DENND5A: variants seen among roughly 807,000 people sequenced by gnomAD.
The protein encoded by DENND5A is DENN domain-containing protein 5A.
A neutral mutation model predicts 140.3 loss-of-function variants in DENND5A; 64 were observed. The ratio of observed to expected loss-of-function variants is 0.46; its 90% CI spans 0.37 to 0.56. The LOEUF (loss-of-function observed/expected upper bound fraction) is 0.56, where lower values mean the gene tolerates loss of function less well. DENND5A is among the 20% of genes least tolerant of loss of function. The pLI is 0.00. For missense variants in DENND5A, 1,292 were observed against 1,593.8 expected (o/e 0.81, Z 3.22); for synonymous variants, 605 against 607.7 (o/e 1.00, Z 0.07).
chr11:9,180,682 G>A (rs1296218111), intron 6 of DENND5A, 85 bp downstream of exon 6: 2 of 1,327,310 alleles, frequency 1.5e-6, no homozygotes, highest in African/African-American at 2.9e-5. Flanking sequence ...CCAGAACTGG[G>A]TGCTTTCTCA....
chr11:9,195,138 A>G (rs1849279288), intron 4 of DENND5A, among the ~76,000 whole-genome samples: 1 of 146,310 alleles, frequency 6.8e-6, no homozygotes, highest in African/African-American at 2.5e-5. Context: ...GCTGCAGTGC[A>G]ATGGCACAAT....
intron 12 of DENND5A, among the ~76,000 whole-genome samples, chr11:9,160,391 G>A (rs778637801): frequency 3.9e-5 from 6 of 152,164 alleles, no homozygotes; most frequent in Non-Finnish European, 8.8e-5. Flanking sequence ...GGTACTTCCT[G>A]AGCTCCAACT....
chr11:9,223,275 C>A (rs1386458453), intron 1 of DENND5A, among the ~76,000 whole-genome samples: 1 of 152,110 alleles, frequency 6.6e-6, no homozygotes, highest in Admixed American at 6.6e-5. Flanking sequence ...CGCCTGTAAT[C>A]CCAGCACTTT....
chr11:9,185,048 G>A (rs569273053), intron 5 of DENND5A, among the ~76,000 whole-genome samples: 3 of 152,078 alleles, frequency 2.0e-5, no homozygotes, highest in South Asian at 2.1e-4. Flanking sequence ...AAAATTAGCC[G>A]GGCATTGTGG....
At chr11:9,244,272 A>G (rs931758001) in intron 1 of DENND5A, among the ~76,000 whole-genome samples, 13 of 152,352 alleles carry the variant, frequency 8.5e-5, no homozygotes, top group Non-Finnish European at 1.3e-4. Context: ...CCAATGTGAT[A>G]GTATGAAGAG....
intron 1 of DENND5A, among the ~76,000 whole-genome samples, chr11:9,248,126 G>A (rs1015378789): frequency 6.6e-6 from 1 of 152,074 alleles, no homozygotes; most frequent in African/African-American, 2.4e-5. Context: ...GGTTCTACAG[G>A]TGGGTGACAC....
chr11:9,178,114 T>C lies in DENND5A; in HGVS notation c.1906+18A>G. 1 of 1,544,812 alleles carries C rather than the reference T, an allele frequency of 6.5e-7. No individual in the cohort carries two copies. Among genetic ancestry groups the C allele is most frequent in the Non-Finnish European group, 9.0e-7 (1 of 1,116,840 alleles). ...ATAATCCAAGAGGCCTGAATGTACATTTCCAAGGAGGCCTTACCTGCTTCA... is the reference window on the plus strand; with the variant it reads ...ATAATCCAAGAGGCCTGAATGTACACTTCCAAGGAGGCCTTACCTGCTTCA... On this transcript the variant is annotated intron_variant, in intron 8 of 22. Transcript: ENST00000328194.
At position 9,139,697 on chromosome 11, in the gene DENND5A, A is replaced by G; in HGVS notation, c.3838T>C (p.Ser1280Pro). 2 of 1,613,760 alleles carry G rather than the reference A, an allele frequency of 1.2e-6. No homozygotes were observed. The highest frequency in any genetic ancestry group is 1.7e-6 in the Non-Finnish European group (2 of 1,179,928). ...CAGATGTCGATGCCCTTGACAAGGG[A>G]CGTCTCCAGCGTGATGTTGAACTCC... Reference protein sequence around the residue: ...LQEFNITLETSLVKGIDI With the variant: ...LQEFNITLETPLVKGIDI The change falls in exon 23 of 23, where the codon TCC becomes CCC. Residue 1280 changes from serine (S) to proline (P), a missense_variant. Ser to Pro is a moderately conservative substitution (Grantham distance 74). Transcript: ENST00000328194.
rs561746462 is a variant in DENND5A, at chr11:9,170,315, C to T, written c.2057+312G>A. On this transcript the variant is annotated intron_variant, in intron 9 of 22. Transcript: ENST00000328194. ...TTCAGGTTCTGATTATTTCAACTGCCATTTATTAAATACAATGCTAGCTTG... is the reference window on the plus strand; with the variant it reads ...TTCAGGTTCTGATTATTTCAACTGCTATTTATTAAATACAATGCTAGCTTG... The T allele has an allele frequency of 4.1e-6, 4 of 981,048 alleles. No homozygotes were observed. The East Asian group carries it at 4.5e-4, about 112-fold the overall frequency. 60.8% of individuals were successfully genotyped at this position (981,048 alleles called of 1,614,324 possible).
chr11:9,213,649 A>G (rs1266294854), intron 1 of DENND5A, among the ~76,000 whole-genome samples: 1 of 151,384 alleles, frequency 6.6e-6, no homozygotes, highest in African/African-American at 2.4e-5. Context: ...CTCTACTAAA[A>G]CACAAAAATT....
At chr11:9,162,823 C>T (rs958961684) in intron 11 of DENND5A, among the ~76,000 whole-genome samples, 3 of 151,786 alleles carry the variant, frequency 2.0e-5, no homozygotes, top group South Asian at 2.1e-4. Context: ...CCTCAGCCCC[C>T]GCAGTAGCTG....
At chr11:9,254,890 G>T (rs1851878835) in intron 1 of DENND5A, among the ~76,000 whole-genome samples, 1 of 151,948 alleles carries the variant, frequency 6.6e-6, no homozygotes, top group African/African-American at 2.4e-5. Context: ...GGGCAACATG[G>T]TGAAACCCCA....
intron 1 of DENND5A, among the ~76,000 whole-genome samples, chr11:9,209,994 C>T (rs893368208): frequency 1.3e-5 from 2 of 151,980 alleles, no homozygotes; most frequent in Admixed American, 1.3e-4. Context: ...GTAATCCCAG[C>T]TAACTGGGAG....
At chr11:9,174,912 C>G (rs890548926) in intron 8 of DENND5A, among the ~76,000 whole-genome samples, 3 of 151,832 alleles carry the variant, frequency 2.0e-5, no homozygotes, top group Non-Finnish European at 4.4e-5. Context: ...CTCACCACTT[C>G]TATTTGACTT....
intron 20 of DENND5A, 57 bp from the exon 21 acceptor site, chr11:9,142,902 C>A: frequency 6.3e-7 from 1 of 1,599,440 alleles, no homozygotes; most frequent in South Asian, 1.1e-5. Context: ...TGCCCTCCCA[C>A]CATTGCATCC....
chr11:9,212,576 A>G (rs1849921425), intron 1 of DENND5A, among the ~76,000 whole-genome samples: 2 of 152,154 alleles, frequency 1.3e-5, no homozygotes, highest in South Asian at 2.1e-4. Context: ...TGAAATTACT[A>G]CTGCCTTCTC....
intron 1 of DENND5A, among the ~76,000 whole-genome samples, chr11:9,214,819 G>T (rs1436227849): frequency 6.6e-6 from 1 of 152,188 alleles, no homozygotes; most frequent in African/African-American, 2.4e-5. Context: ...TGCCTCCCAG[G>T]TTCAACTGAT....
chr11:9,241,011 T>G (rs1851212971), intron 1 of DENND5A, among the ~76,000 whole-genome samples: 2 of 152,208 alleles, frequency 1.3e-5, no homozygotes, highest in Non-Finnish European at 2.9e-5. Context: ...TCATCTTCCC[T>G]AGTAACTCTG....
intron 10 of DENND5A, among the ~76,000 whole-genome samples, chr11:9,166,724 C>G (rs1331767191): frequency 2.0e-5 from 3 of 151,804 alleles, no homozygotes; most frequent in Admixed American, 2.0e-4. Context: ...CCCAGCTACT[C>G]AGGAGGCTGA....
Sources: allele counts gnomAD v4.1 joint callset (sites outside exome capture counted in the v4.1 genomes callset), GRCh38; gene constraint gnomAD v4.1.1; transcripts MANE v1.5; gene names NCBI Gene and HGNC (gene_info 2026-07-23, HGNC 2026-07-21).